The following LIMS1 variants were observed in gnomAD, a reference collection of about 807,000 sequenced individuals.
LIMS1 encodes LIM and senescent cell antigen-like-containing domain protein 1.
LIMS1 carries 18 observed loss-of-function variants against 44.1 expected under a neutral mutation model. The observed-to-expected ratio is 0.41, with a 90% CI of 0.28 to 0.61. LIMS1 has a LOEUF of 0.61. Among genes scored for constraint, LIMS1 ranks in the 20% least tolerant of loss-of-function variants. The pLI, the probability that LIMS1 is intolerant of heterozygous loss-of-function variation, is 0.32. For synonymous variants in LIMS1, 93 were observed against 149.1 expected (o/e 0.62, Z 2.74); for missense variants, 201 against 422.0 (o/e 0.48, Z 4.59).
At chr2:108,564,716 G>A (rs1685236744) in intron 1 of LIMS1, among the ~76,000 whole-genome samples, 1 of 152,018 alleles carries the variant, frequency 6.6e-6, no homozygotes, top group African/African-American at 2.4e-5. Flanking sequence ...ATACAATTAA[G>A]TTCCACAAGA....
chr2:108,583,033 T>G (rs1274693664), intron 1 of LIMS1, among the ~76,000 whole-genome samples: 2 of 151,946 alleles, frequency 1.3e-5, no homozygotes, highest in African/African-American at 4.8e-5. Context: ...TTTTTTGTTG[T>G]TTTTTTGTTT....
At chr2:108,683,681 CT>C (rs974056598) in intron 9 of LIMS1, among the ~76,000 whole-genome samples, 6 of 151,456 alleles carry the variant, frequency 4.0e-5, no homozygotes, top group African/African-American at 7.3e-5. Context: ...TTTATAAGGA[CT>C]TTTTTTTAAA....
chr2:108,535,847 A>G (rs1261305696), intron 1 of LIMS1, among the ~76,000 whole-genome samples: 1 of 152,200 alleles, frequency 6.6e-6, no homozygotes, highest in Non-Finnish European at 1.5e-5. Context: ...CTAGTTTGTC[A>G]GTTGTTCTTT....
At chr2:108,608,139 C>T (rs1161946222) in intron 1 of LIMS1, among the ~76,000 whole-genome samples, 1 of 152,196 alleles carries the variant, frequency 6.6e-6, no homozygotes. Context: ...CTGTTTTCCT[C>T]CACGAAGAAG....
At chr2:108,637,097 ATATGTGTGTGTGTGTGTGTGTGTG>A (rs1360485174) in intron 1 of LIMS1, among the ~76,000 whole-genome samples, 17 of 132,128 alleles carry the variant, frequency 1.3e-4, no homozygotes, top group African/African-American at 4.1e-4. Context: ...AAATATACAT[ATATGTGTGTGTGTGTGTGTGTGTG>A]TGTGTGTGTG....
At chr2:108,668,376 A>G (rs1691935329) in intron 2 of LIMS1, among the ~76,000 whole-genome samples, 2 of 152,082 alleles carry the variant, frequency 1.3e-5, no homozygotes, top group South Asian at 4.2e-4. Flanking sequence ...CCTCCACTCC[A>G]TTCTCCCCAG....
At chr2:108,542,021 T>G (rs1276021809) in intron 1 of LIMS1, among the ~76,000 whole-genome samples, 1 of 152,254 alleles carries the variant, frequency 6.6e-6, no homozygotes, top group Non-Finnish European at 1.5e-5. Flanking sequence ...TTGTTAAATA[T>G]CCAAAGAAAA....
At chr2:108,627,079 C>A (rs776009347) in intron 1 of LIMS1, among the ~76,000 whole-genome samples, 1 of 152,066 alleles carries the variant, frequency 6.6e-6, no homozygotes, top group Non-Finnish European at 1.5e-5. Flanking sequence ...TTACAGTTGC[C>A]TACAGTATTC....
At chr2:108,559,984 A>G (rs1242849852) in intron 1 of LIMS1, among the ~76,000 whole-genome samples, 1 of 146,318 alleles carries the variant, frequency 6.8e-6, no homozygotes, top group Non-Finnish European at 1.5e-5. Context: ...GGTTCTCCCC[A>G]CGTTGGAGCA....
At chr2:108,558,919 C>T (rs1206324212) in intron 1 of LIMS1, among the ~76,000 whole-genome samples, 1 of 152,028 alleles carries the variant, frequency 6.6e-6, no homozygotes, top group Non-Finnish European at 1.5e-5. Flanking sequence ...GATCCACCCG[C>T]CTTGGTCTCC....
chr2:108,684,611 G>C (rs1310068562), exon 10 of LIMS1: 1 of 151,828 alleles, frequency 6.6e-6, no homozygotes, highest in Non-Finnish European at 1.5e-5. Flanking sequence ...TGCTCTCCTT[G>C]TGAATTCTTC....
chr2:108,674,205 C>G (rs1055894929), intron 5 of LIMS1, among the ~76,000 whole-genome samples: 1 of 151,784 alleles, frequency 6.6e-6, no homozygotes, highest in Non-Finnish European at 1.5e-5. Context: ...TGGCGGGTGC[C>G]TATAGTCCCA....
chr2:108,642,341 TG>T (rs140283025), intron 1 of LIMS1, among the ~76,000 whole-genome samples: 99,402 of 121,528 alleles, frequency 0.82, 41,807 homozygotes, highest in East Asian at 0.99. Context: ...TAGTGTTTTT[TG>T]TTTTTTTTTT....
chr2:108,684,127 C>A, exon 10 of LIMS1: 1 of 481,776 alleles, frequency 2.1e-6, no homozygotes, highest in East Asian at 3.7e-5. Flanking sequence ...GGTTTTATGT[C>A]ATTTTTTTAA....
intron 1 of LIMS1, among the ~76,000 whole-genome samples, chr2:108,549,386 C>T (rs1440477458): frequency 7.5e-6 from 1 of 133,214 alleles, no homozygotes; most frequent in Non-Finnish European, 1.5e-5. Context: ...CCTCTGCCTC[C>T]TGGGTTCAAG....
chr2:108,684,730 T>C (rs1693218220), exon 10 of LIMS1: 1 of 152,090 alleles, frequency 6.6e-6, no homozygotes, highest in Non-Finnish European at 1.5e-5. Context: ...CTTTACAATA[T>C]TGGAAAATGA....
At chr2:108,615,931 C>T (rs1687903247) in intron 1 of LIMS1, among the ~76,000 whole-genome samples, 1 of 152,162 alleles carries the variant, frequency 6.6e-6, no homozygotes, top group South Asian at 2.1e-4. Flanking sequence ...GTGGAACTGT[C>T]AGCTAAATGT....
intron 1 of LIMS1, among the ~76,000 whole-genome samples, chr2:108,648,492 C>T (rs1163648446): frequency 6.6e-6 from 1 of 152,202 alleles, no homozygotes; most frequent in African/African-American, 2.4e-5. Flanking sequence ...AAAGAGCCTG[C>T]ATAGCCAAGA....
chr2:108,551,403 T>C (rs147693860), intron 1 of LIMS1, among the ~76,000 whole-genome samples: 176 of 146,378 alleles, frequency 1.2e-3, no homozygotes, highest in African/African-American at 4.3e-3. Context: ...TATTTATATA[T>C]TTAGCTATAA....
Sources: allele counts gnomAD v4.1 joint callset (sites outside exome capture counted in the v4.1 genomes callset), GRCh38; gene constraint gnomAD v4.1.1; transcripts MANE v1.5; gene names NCBI Gene and HGNC (gene_info 2026-07-23, HGNC 2026-07-21).